Variants in KHDRBS2 observed in about 807,000 individuals in gnomAD.
The protein encoded by KHDRBS2 is KH domain-containing, RNA-binding, signal transduction-associated protein 2.
Under a neutral mutation model 44.3 loss-of-function variants are expected in KHDRBS2, and 26 were observed. The ratio of observed to expected loss-of-function variants is 0.59; its 90% CI spans 0.43 to 0.81. The LOEUF is 0.81. KHDRBS2 is among the 40% of genes least tolerant of loss of function. KHDRBS2 has a pLI of 0.00. For synonymous variants in KHDRBS2, 194 were observed against 151.1 expected (o/e 1.28, Z -2.08); for missense variants, 476 against 433.1 (o/e 1.10, Z -0.88).
chr6:62,049,833 C>T (rs1788584304), intron 2 of KHDRBS2, among the ~76,000 whole-genome samples: 1 of 152,040 alleles, frequency 6.6e-6, no homozygotes, highest in Admixed American at 6.6e-5. Flanking sequence ...TGCTTTTATA[C>T]TGTTGGTGGG....
At chr6:62,280,355 G>A (rs1403823131) in intron 1 of KHDRBS2, among the ~76,000 whole-genome samples, 1 of 152,108 alleles carries the variant, frequency 6.6e-6, no homozygotes, top group Non-Finnish European at 1.5e-5. Context: ...AATGAAGGAT[G>A]ATGAGGGCAA....
At chr6:62,253,161 T>C (rs1419453064) in intron 1 of KHDRBS2, among the ~76,000 whole-genome samples, 5 of 152,062 alleles carry the variant, frequency 3.3e-5, no homozygotes, top group Non-Finnish European at 5.9e-5. Context: ...AATGTCATTA[T>C]GAGATTTTTG....
rs573585312 is a variant in KHDRBS2 at position 61,683,211 on chromosome 6, T to C, written c.953-2151A>G. 1.2e-4 allele frequency among the ~76,000 whole-genome samples: 18 copies of C among 151,964 alleles called. No individual in the cohort carries two copies. In the South Asian group the frequency reaches 3.7e-3, roughly 32 times the overall value. ...CATGAGCGGAGTGACAGAATACTTG[T>C]CACATACACTCCCAGATTTTTTCAG... On this transcript the variant is annotated intron_variant, in intron 8 of 8. Coordinates refer to ENST00000281156, the MANE Select transcript of KHDRBS2 (RefSeq NM_152688.4).
chr6:61,852,955 C>G (rs997641650), intron 6 of KHDRBS2, among the ~76,000 whole-genome samples: 4 of 152,132 alleles, frequency 2.6e-5, no homozygotes, highest in African/African-American at 9.7e-5. Flanking sequence ...ACCATTTAAG[C>G]TAGAACAATC....
At chr6:62,190,532 C>T (rs1403796968) in intron 1 of KHDRBS2, among the ~76,000 whole-genome samples, 1 of 152,092 alleles carries the variant, frequency 6.6e-6, no homozygotes, top group African/African-American at 2.4e-5. Flanking sequence ...GCTAAGGACA[C>T]TTCCAGTTGA....
intron 1 of KHDRBS2, among the ~76,000 whole-genome samples, chr6:62,204,849 T>C (rs1467427494): frequency 3.3e-5 from 5 of 152,058 alleles, no homozygotes; most frequent in African/African-American, 1.2e-4. Flanking sequence ...CCTGTGATTA[T>C]TGTATTTTCC....
At chr6:61,741,609 T>G (rs1776145946) in intron 6 of KHDRBS2, among the ~76,000 whole-genome samples, 1 of 151,884 alleles carries the variant, frequency 6.6e-6, no homozygotes, top group African/African-American at 2.4e-5. Context: ...GTAGTTTTTC[T>G]TTACCTATTT....
chr6:61,927,285 A>G (rs1276066386), intron 4 of KHDRBS2, among the ~76,000 whole-genome samples: 1 of 152,174 alleles, frequency 6.6e-6, no homozygotes, highest in African/African-American at 2.4e-5. Context: ...CAAAAAACAT[A>G]TGGTATAAAT....
At chr6:62,097,498 T>C (rs1475359981) in intron 2 of KHDRBS2, among the ~76,000 whole-genome samples, 4 of 152,098 alleles carry the variant, frequency 2.6e-5, no homozygotes, top group Non-Finnish European at 4.4e-5. Flanking sequence ...TGTCTCTTTT[T>C]ACAGTTTTAT....
chr6:62,082,060 C>A, intron 2 of KHDRBS2, among the ~76,000 whole-genome samples: 1 of 151,880 alleles, frequency 6.6e-6, no homozygotes. Flanking sequence ...GTTGTATGCC[C>A]AATGGGAATT....
chr6:62,028,954 T>C (rs995538194), intron 3 of KHDRBS2, among the ~76,000 whole-genome samples: 1 of 152,012 alleles, frequency 6.6e-6, no homozygotes, highest in Non-Finnish European at 1.5e-5. Context: ...AGTAACTTTC[T>C]CCATTGTACA....
At chr6:62,087,528 G>A (rs1053083086) in intron 2 of KHDRBS2, among the ~76,000 whole-genome samples, 2 of 152,034 alleles carry the variant, frequency 1.3e-5, no homozygotes, top group Non-Finnish European at 2.9e-5. Context: ...TTAACAGAAA[G>A]TGAAATACTG....
At chr6:62,074,747 T>A (rs1795992524) in intron 2 of KHDRBS2, among the ~76,000 whole-genome samples, 2 of 151,894 alleles carry the variant, frequency 1.3e-5, no homozygotes, top group South Asian at 4.1e-4. Flanking sequence ...CCTCCTTCTA[T>A]AACTGCTATT....
intron 6 of KHDRBS2, among the ~76,000 whole-genome samples, chr6:61,776,198 A>G (rs1201655717): frequency 6.6e-6 from 1 of 152,010 alleles, no homozygotes; most frequent in African/African-American, 2.4e-5. Context: ...CTAGAAGAAA[A>G]CGTAGGCATT....
intron 6 of KHDRBS2, among the ~76,000 whole-genome samples, chr6:61,783,356 C>T (rs1274925163): frequency 6.6e-6 from 1 of 152,060 alleles, no homozygotes; most frequent in Non-Finnish European, 1.5e-5. Context: ...AGGTACAAGT[C>T]CTCTAGCCCA....
chr6:61,599,948 A>G, the KHDRBS2 span, among the ~76,000 whole-genome samples: 1 of 152,222 alleles, frequency 6.6e-6, no homozygotes, highest in Non-Finnish European at 1.5e-5. Flanking sequence ...ACAGAAAGAG[A>G]CAAAGGAAAA....
intron 7 of KHDRBS2, among the ~76,000 whole-genome samples, chr6:61,722,713 C>G (rs928537759): frequency 2.3e-5 from 3 of 132,544 alleles, no homozygotes; most frequent in African/African-American, 7.7e-5. Flanking sequence ...TTATATATTT[C>G]TATTTTTTTT....
intron 4 of KHDRBS2, among the ~76,000 whole-genome samples, chr6:61,938,457 C>A (rs1472142305): frequency 6.6e-6 from 1 of 152,082 alleles, no homozygotes; most frequent in Admixed American, 6.6e-5. Flanking sequence ...GCAGGTCAAC[C>A]ACATTGGAGA....
chr6:61,584,198 CTGTT>C, the KHDRBS2 span, among the ~76,000 whole-genome samples: 4 of 151,778 alleles, frequency 2.6e-5, no homozygotes, highest in African/African-American at 9.7e-5. Flanking sequence ...ATCTGCATGT[CTGTT>C]CCTATCTTTT....
Sources: allele counts gnomAD v4.1 joint callset (sites outside exome capture counted in the v4.1 genomes callset), GRCh38; gene constraint gnomAD v4.1.1; transcripts MANE v1.5; gene names NCBI Gene and HGNC (gene_info 2026-07-23, HGNC 2026-07-21).